Variants in MEOX2 observed in about 807,000 individuals in gnomAD.
The protein encoded by MEOX2 is mesenchyme homeobox 2.
A neutral mutation model predicts 27.0 loss-of-function variants in MEOX2; 11 were observed. That is an observed-to-expected ratio of 0.41 (90% CI 0.26 to 0.68). The LOEUF is 0.68. Among genes scored for constraint, MEOX2 ranks in the 30% least tolerant of loss-of-function variants. The pLI, the probability that MEOX2 is intolerant of heterozygous loss-of-function variation, is 0.33. For synonymous variants in MEOX2, 189 were observed against 155.4 expected (o/e 1.22, Z -1.61); for missense variants, 436 against 385.4 (o/e 1.13, Z -1.10).
At chr7:15,639,197 G>A (rs1408861636) in intron 1 of MEOX2, among the ~76,000 whole-genome samples, 3 of 152,040 alleles carry the variant, frequency 2.0e-5, no homozygotes, top group Non-Finnish European at 4.4e-5. Context: ...GTATCTCATA[G>A]GGGTTTTTAT....
chr7:15,661,040 A>AAG (rs1781907815), intron 1 of MEOX2, among the ~76,000 whole-genome samples: 2 of 149,974 alleles, frequency 1.3e-5, no homozygotes, highest in African/African-American at 4.9e-5. Flanking sequence ...AAAAAAAAAA[A>AAG]AGAGAAAGAG....
At chr7:15,668,543 G>A (rs1042717207) in intron 1 of MEOX2, among the ~76,000 whole-genome samples, 2 of 151,962 alleles carry the variant, frequency 1.3e-5, no homozygotes, top group Non-Finnish European at 2.9e-5. Context: ...ATGCAGTGGC[G>A]CTATCTCGGC....
At chr7:15,619,018 T>C (rs1336008316) in intron 2 of MEOX2, among the ~76,000 whole-genome samples, 1 of 152,008 alleles carries the variant, frequency 6.6e-6, no homozygotes, top group East Asian at 1.9e-4. Flanking sequence ...CATAGAAATA[T>C]GGAGAATAAT....
intron 1 of MEOX2, among the ~76,000 whole-genome samples, chr7:15,642,083 T>C (rs757286330): frequency 2.0e-5 from 3 of 152,208 alleles, no homozygotes; most frequent in Non-Finnish European, 4.4e-5. Context: ...GAAGACTATA[T>C]GCCTTGTTGA....
chr7:15,683,288 C>A (rs927227178), intron 1 of MEOX2, among the ~76,000 whole-genome samples: 2 of 151,932 alleles, frequency 1.3e-5, no homozygotes, highest in African/African-American at 4.8e-5. Context: ...TGACTTTACC[C>A]TGGATTTATG....
chr7:15,668,154 T>G (rs1357598606), intron 1 of MEOX2: 1 of 152,240 alleles, frequency 6.6e-6, no homozygotes, highest in African/African-American at 2.4e-5. Flanking sequence ...TGTGTAGGTC[T>G]ACTTATGCAT....
At chr7:15,644,558 A>T (rs1399204291) in intron 1 of MEOX2, among the ~76,000 whole-genome samples, 1 of 152,200 alleles carries the variant, frequency 6.6e-6, no homozygotes, top group Non-Finnish European at 1.5e-5. Context: ...ACAGATCTGC[A>T]GCACAGCCTT....
intron 1 of MEOX2, among the ~76,000 whole-genome samples, chr7:15,683,264 C>T (rs1357898118): frequency 6.6e-6 from 1 of 151,958 alleles, no homozygotes; most frequent in African/African-American, 2.4e-5. Flanking sequence ...TGCAGGGATA[C>T]AGAATTTTGG....
intron 1 of MEOX2, among the ~76,000 whole-genome samples, chr7:15,671,013 G>A (rs551352443): frequency 6.6e-6 from 1 of 152,232 alleles, no homozygotes; most frequent in Admixed American, 6.5e-5. Flanking sequence ...GCAGTAGTGG[G>A]TTGGCACAAA....
Position 15,670,693 on chromosome 7 carries a change from T to C in MEOX2, c.517+15193A>G, listed in dbSNP as rs1431742539. On this transcript the variant is annotated intron_variant, in intron 1 of 2. Transcript: ENST00000262041. ...ATGTGGCTTTACATACCATACTACA[T>C]GACATAAAACAGTGTTAAAATAATT... Among the ~76,000 whole-genome samples, 4 of 152,326 alleles carry C rather than the reference T, an allele frequency of 2.6e-5. No homozygotes were observed. The East Asian group carries it at 7.7e-4, about 29-fold the overall frequency.
At chr7:15,633,491 A>G (rs1583753222) in intron 1 of MEOX2, among the ~76,000 whole-genome samples, 1 of 151,950 alleles carries the variant, frequency 6.6e-6, no homozygotes, top group African/African-American at 2.4e-5. Context: ...GGCATCAGAT[A>G]ACACCATACA....
chr7:15,630,301 G>A (rs1220564275), intron 1 of MEOX2, among the ~76,000 whole-genome samples: 2 of 152,126 alleles, frequency 1.3e-5, no homozygotes, highest in South Asian at 2.1e-4. Flanking sequence ...TTTCTGTCTA[G>A]CATTTAGAAC....
intron 1 of MEOX2, among the ~76,000 whole-genome samples, chr7:15,684,429 A>G (rs1306767823): frequency 6.6e-6 from 1 of 152,210 alleles, no homozygotes; most frequent in African/African-American, 2.4e-5. Flanking sequence ...ATTAAATATC[A>G]GTGACACTAC....
chr7:15,682,048 T>G (rs915540963), intron 1 of MEOX2: 1 of 151,864 alleles, frequency 6.6e-6, no homozygotes, highest in Non-Finnish European at 1.5e-5. Context: ...TGTAGGTCAA[T>G]GATACTTAGA....
At chr7:15,631,841 T>C (rs563898455) in intron 1 of MEOX2, among the ~76,000 whole-genome samples, 1 of 150,312 alleles carries the variant, frequency 6.7e-6, no homozygotes, top group East Asian at 2.0e-4. Context: ...TTTGGAAATA[T>C]CATAAATTTA....
At chr7:15,643,157 C>A (rs909564498) in intron 1 of MEOX2, among the ~76,000 whole-genome samples, 4 of 152,168 alleles carry the variant, frequency 2.6e-5, no homozygotes, top group African/African-American at 9.7e-5. Flanking sequence ...TGCAGTTTGA[C>A]CTCCCAGCCA....
rs560844309 is a variant in MEOX2 at position 15,642,421 on chromosome 7, C to A, written c.518-15503G>T. ...TTCTACTCTACTGCTAAGTTTGCCA[C>A]AGTGTTTTGAATTTCCTTTAGTGCA... is the stretch of plus-strand genomic sequence containing the variant. On this transcript the variant is annotated intron_variant, in intron 1 of 2. Transcript: ENST00000262041. Among the ~76,000 whole-genome samples the A allele has an allele frequency of 1.1e-4, 17 of 152,178 alleles. 1 individual carries two copies. The South Asian group carries it at 3.1e-3, about 28-fold the overall frequency.
At chr7:15,680,144 C>G (rs552471257) in intron 1 of MEOX2, 1 of 151,940 alleles carries the variant, frequency 6.6e-6, no homozygotes, top group African/African-American at 2.4e-5. Context: ...CCCATTCGAT[C>G]ATACACTTAC....
chr7:15,644,428 G>T (rs1781611727), intron 1 of MEOX2, among the ~76,000 whole-genome samples: 1 of 152,144 alleles, frequency 6.6e-6, no homozygotes. Flanking sequence ...TTTGTTCAAA[G>T]TGTTTCACAA....
Sources: gnomAD v4.1 joint callset for allele counts (sites outside exome capture counted in the v4.1 genomes callset) on GRCh38, gnomAD v4.1.1 for gene constraint, MANE v1.5 for transcripts, NCBI Gene and HGNC (gene_info 2026-07-23, HGNC 2026-07-21) for gene names.